Variants in LMCD1 observed in about 807,000 individuals in gnomAD.
LMCD1 encodes LIM and cysteine rich domains 1, also known as LIM and cysteine-rich domains protein 1.
In LMCD1, 32 loss-of-function variants were observed where a neutral mutation model predicts 42.7. The observed-to-expected ratio is 0.75, with a 90% confidence interval of 0.57 to 1.01. The LOEUF is 1.01. Ranked by LOEUF, LMCD1 falls within the 50% of genes least tolerant of loss-of-function variation. The pLI, the probability that LMCD1 is intolerant of heterozygous loss-of-function variation, is 0.00. For missense variants in LMCD1, 458 were observed against 483.1 expected (o/e 0.95, Z 0.49); for synonymous variants, 178 against 184.9 (o/e 0.96, Z 0.30).
intron 2 of LMCD1, among the ~76,000 whole-genome samples, chr3:8,536,622 T>C (rs1326614607): frequency 8.5e-5 from 13 of 152,216 alleles, no homozygotes; most frequent in Admixed American, 7.8e-4. Context: ...GCTATGATCT[T>C]GGAAAACAAT....
intron 4 of LMCD1, among the ~76,000 whole-genome samples, chr3:8,556,641 C>A (rs1450789542): frequency 6.6e-6 from 1 of 152,160 alleles, no homozygotes; most frequent in Non-Finnish European, 1.5e-5. Flanking sequence ...AAGCCCCGGG[C>A]AAAGCCGTTG....
chr3:8,501,910 C>A lies in LMCD1; in HGVS notation c.-29C>A. On this transcript the variant is annotated 5_prime_UTR_variant, in exon 1 of 6. Coordinates refer to ENST00000157600, the MANE Select transcript of LMCD1 (RefSeq NM_014583.4). ...GCCCTCGCGCCTCTGCCTGAGAAGC[C>A]AGGCGCTGTTCCCCCACCCCAGAAG... is the stretch of plus-strand genomic sequence containing the variant. 1 of 1,582,686 alleles carries A rather than the reference C, an allele frequency of 6.3e-7. No homozygotes were observed. Among genetic ancestry groups the A allele is most frequent in the Non-Finnish European group, 8.6e-7 (1 of 1,166,020 alleles).
At chr3:8,549,425 T>C (rs1249117520) in intron 4 of LMCD1, among the ~76,000 whole-genome samples, 1 of 152,156 alleles carries the variant, frequency 6.6e-6, no homozygotes, top group Non-Finnish European at 1.5e-5. Context: ...GAGGCTGGAT[T>C]CCTGGAGGGT....
chr3:8,519,077 T>C (rs147402465), intron 1 of LMCD1, among the ~76,000 whole-genome samples: 65 of 152,328 alleles, frequency 4.3e-4, no homozygotes, highest in African/African-American at 1.6e-3. Context: ...AAGGCATTAT[T>C]CTAGACACTG....
chr3:8,524,687 C>CTGTTGTTGTTGT (rs113066862), intron 1 of LMCD1, among the ~76,000 whole-genome samples: 2 of 151,646 alleles, frequency 1.3e-5, no homozygotes, highest in African/African-American at 2.4e-5. Context: ...TGTGATGTTG[C>CTGTTGTTGTTGT]TGTTGTTGTT....
At chr3:8,502,328 TAA>T (rs1693756401) in intron 1 of LMCD1, among the ~76,000 whole-genome samples, 29 of 6,444 alleles carry the variant, frequency 4.5e-3, no homozygotes, top group East Asian at 0.02. Context: ...ATATTATATA[TAA>T]TATATATTAT....
At chr3:8,549,060 C>T (rs1228530033) in intron 4 of LMCD1, among the ~76,000 whole-genome samples, 157 bp downstream of exon 4, 2 of 152,208 alleles carry the variant, frequency 1.3e-5, no homozygotes, top group Non-Finnish European at 2.9e-5. Context: ...CTGTGCCAGG[C>T]ACTGTCCCAT....
chr3:8,568,661 T>C lies in LMCD1; in HGVS notation c.*1063T>C, dbSNP rs1328800677. On this transcript the variant is annotated 3_prime_UTR_variant, in exon 6 of 6. Coordinates refer to ENST00000157600, the MANE Select transcript of LMCD1 (RefSeq NM_014583.4). ...AATTTTTAATGTTGCCAACTAAACATTGAATGAGTCACGTAGAATAGGTCT... is the reference window on the plus strand; with the variant it reads ...AATTTTTAATGTTGCCAACTAAACACTGAATGAGTCACGTAGAATAGGTCT... The C allele has an allele frequency of 6.6e-6, 1 of 152,260 alleles. No homozygotes were observed. The highest frequency in any genetic ancestry group is 1.5e-5 in the Non-Finnish European group (1 of 68,044). 9.4% of individuals were successfully genotyped at this position (152,260 alleles called of 1,614,324 possible).
chr3:8,551,543 T>G (rs1694836920), intron 4 of LMCD1, among the ~76,000 whole-genome samples: 1 of 152,222 alleles, frequency 6.6e-6, no homozygotes, highest in Admixed American at 6.5e-5. Flanking sequence ...TCCAATACCC[T>G]TTCTGTGATA....
intron 5 of LMCD1, among the ~76,000 whole-genome samples, 182 bp downstream of exon 5, chr3:8,565,829 A>G (rs1405599015): frequency 6.6e-6 from 1 of 152,206 alleles, no homozygotes; most frequent in Non-Finnish European, 1.5e-5. Flanking sequence ...GCAGACAACC[A>G]TGGGATTGTT....
chr3:8,553,424 T>C (rs1694874434), intron 4 of LMCD1, among the ~76,000 whole-genome samples: 1 of 152,148 alleles, frequency 6.6e-6, no homozygotes, highest in African/African-American at 2.4e-5. Flanking sequence ...CTGTATGGAA[T>C]TCCTACTAAG....
In LMCD1 at chr3:8,550,584, A is replaced by G. The variant is rs1232406681; in HGVS notation, c.723+1681A>G. 1.2e-5 allele frequency: 12 copies of G among 985,180 alleles called. No homozygotes were observed. In the Admixed American group the frequency reaches 1.8e-4, roughly 15 times the overall value. 61.0% of individuals were successfully genotyped at this position (985,180 alleles called of 1,614,324 possible). A position where few individuals can be genotyped will look rare whatever the true frequency, so the allele number is the denominator to read the frequency against. On this transcript the variant is annotated intron_variant, in intron 4 of 5. Transcript: ENST00000157600. ...AGAAACTGTTTTATCTGAGAACTCT[A>G]AGACCAAAGAACAAGATTTATTTCC...
Position 8,571,294 on chromosome 3 carries a change from AG to A in LMCD1, c.*3697del, listed in dbSNP as rs971128118. On this transcript the variant is annotated 3_prime_UTR_variant, in exon 6 of 6. Coordinates refer to ENST00000157600, the MANE Select transcript of LMCD1 (RefSeq NM_014583.4). ...TATTATCTTTATTTCCCCAACTCTT[AG>A]TACAAATCCTGGCAACTAAATGAAA... The A allele has an allele frequency of 1.3e-5, 2 of 152,228 alleles. No individual in the cohort carries two copies. Among genetic ancestry groups the A allele is most frequent in the African/African-American group, 4.8e-5 (2 of 41,450 alleles). The allele number at this position is 152,228 out of a possible 1,614,324, so 9.4% of individuals were successfully genotyped here.
chr3:8,569,937 GC>G lies in LMCD1; in HGVS notation c.*2341del, dbSNP rs908967342. ...CAAGGCTGCAGTGAGCTGTGATCATGCCACAGCACTCCAGCCTGGGTGACAG... is the reference window on the plus strand; with the variant it reads ...CAAGGCTGCAGTGAGCTGTGATCATGCACAGCACTCCAGCCTGGGTGACAG... On this transcript the variant is annotated 3_prime_UTR_variant, in exon 6 of 6. Coordinates refer to ENST00000157600, the MANE Select transcript of LMCD1 (RefSeq NM_014583.4). The G allele has an allele frequency of 1.3e-5, 2 of 152,050 alleles. No individual in the cohort carries two copies. Among genetic ancestry groups the G allele is most frequent in the Non-Finnish European group, 2.8e-5 (2 of 71,990 alleles). 9.4% of individuals were successfully genotyped at this position (152,050 alleles called of 1,614,324 possible).
At chr3:8,551,212 T>C (rs1418778732) in intron 4 of LMCD1, 1 of 984,892 alleles carries the variant, frequency 1.0e-6, no homozygotes, top group Admixed American at 6.1e-5. Context: ...GCTGAGGTCT[T>C]GTTCATCTCT....
At chr3:8,512,060 T>C (rs933857816) in intron 1 of LMCD1, among the ~76,000 whole-genome samples, 1 of 152,178 alleles carries the variant, frequency 6.6e-6, no homozygotes, top group African/African-American at 2.4e-5. Flanking sequence ...ATCCAGCACA[T>C]GGCACATGTG....
intron 3 of LMCD1, among the ~76,000 whole-genome samples, chr3:8,540,573 T>C (rs1432660741): frequency 1.3e-5 from 2 of 152,060 alleles, no homozygotes; most frequent in African/African-American, 4.8e-5. Context: ...TCCCTACCAA[T>C]CCAGGCCAGG....
Position 8,567,533 on chromosome 3 carries a change from C to T in LMCD1, c.1033C>T (p.Arg345Trp), listed in dbSNP as rs772861256. 1.2e-5 allele frequency: 19 copies of T among 1,613,666 alleles called. No homozygotes were observed. Among genetic ancestry groups the T allele is most frequent in the South Asian group, 2.2e-5 (2 of 91,068 alleles). The change falls in exon 6 of 6, where the codon CGG becomes TGG. Residue 345 changes from arginine (R) to tryptophan (W), a missense_variant. Transcript: ENST00000157600. Reference sequence around the variant, plus strand: ...GGGTTGTGAGCAGCTGCTGAGCGGCCGGGCGTACATCGTCACCAAGGGTCA... The same window carrying T: ...GGGTTGTGAGCAGCTGCTGAGCGGCTGGGCGTACATCGTCACCAAGGGTCA... ...CEGCEQLLSGRAYIVTKGQLL... is the reference protein window; with the variant it reads ...CEGCEQLLSGWAYIVTKGQLL...
chr3:8,540,697 G>A (rs964981088), intron 3 of LMCD1, among the ~76,000 whole-genome samples: 1 of 152,248 alleles, frequency 6.6e-6, no homozygotes, highest in Non-Finnish European at 1.5e-5. Flanking sequence ...TTTGAAAGCT[G>A]CCAGGATTTG....
Sources: gnomAD v4.1 joint callset for allele counts (sites outside exome capture counted in the v4.1 genomes callset) on GRCh38, gnomAD v4.1.1 for gene constraint, MANE v1.5 for transcripts, NCBI Gene and HGNC (gene_info 2026-07-23, HGNC 2026-07-21) for gene names.